The following INPP5A variants were observed in gnomAD, a reference collection of about 807,000 sequenced individuals.
INPP5A encodes the protein 43 kDa inositol polyphosphate 5-phophatase.
INPP5A carries 14 observed loss-of-function variants against 65.2 expected under a neutral mutation model. That is an observed-to-expected ratio of 0.21 (90% CI 0.14 to 0.34). The LOEUF is 0.34. INPP5A is among the 10% of genes least tolerant of loss of function. INPP5A has a pLI of 1.00. For missense variants in INPP5A, 431 were observed against 545.6 expected (o/e 0.79, Z 2.09); for synonymous variants, 207 against 208.3 (o/e 0.99, Z 0.05).
At position 132,554,763 on chromosome 10, in the gene INPP5A, G is replaced by A. The variant is rs371345382; in HGVS notation, c.75+16592G>A. ...TGGCATGATTGGTGTGGGTGGCGTC[G>A]TTGGCACTGATGTGGGTAGCGTGGT... is the stretch of plus-strand genomic sequence containing the variant. On this transcript the variant is annotated intron_variant, in intron 1 of 15. Coordinates refer to ENST00000368594, the MANE Select transcript of INPP5A (RefSeq NM_005539.5). Among the ~76,000 whole-genome samples, 63 of 149,168 alleles carry A rather than the reference G, an allele frequency of 4.2e-4. 1 individual carries two copies. The South Asian group carries it at 7.3e-3, about 17-fold the overall frequency.
chr10:132,749,063 C>T (rs750984292), intron 9 of INPP5A, among the ~76,000 whole-genome samples: 8 of 152,254 alleles, frequency 5.3e-5, no homozygotes, highest in Non-Finnish European at 8.8e-5. Context: ...CCTGTTGAGA[C>T]GGTTCCCGGT....
intron 11 of INPP5A, among the ~76,000 whole-genome samples, chr10:132,758,574 C>T (rs1307246286): frequency 6.7e-6 from 1 of 149,142 alleles, no homozygotes; most frequent in Admixed American, 6.7e-5. Flanking sequence ...AGTGCAATGT[C>T]GTTGGGTCCC....
At chr10:132,662,782 T>C (rs984795237) in intron 4 of INPP5A, among the ~76,000 whole-genome samples, 1 of 152,244 alleles carries the variant, frequency 6.6e-6, no homozygotes, top group Admixed American at 6.5e-5. Context: ...CCTTTCATGC[T>C]GTAGTTTAGC....
At chr10:132,691,401 C>A (rs1396781218) in intron 5 of INPP5A, among the ~76,000 whole-genome samples, 1 of 152,180 alleles carries the variant, frequency 6.6e-6, no homozygotes, top group Non-Finnish European at 1.5e-5. Flanking sequence ...TTTGGAGACA[C>A]GGCGTCTGCG....
intron 1 of INPP5A, among the ~76,000 whole-genome samples, chr10:132,568,061 C>T (rs1049601594): frequency 6.6e-6 from 1 of 151,744 alleles, no homozygotes; most frequent in East Asian, 1.9e-4. Flanking sequence ...TGTGGTGGTG[C>T]GTGCCTGTAG....
intron 11 of INPP5A, among the ~76,000 whole-genome samples, chr10:132,760,710 G>A (rs567478891): frequency 1.3e-4 from 20 of 152,318 alleles, no homozygotes; most frequent in African/African-American, 2.4e-4. Flanking sequence ...CATGACGCCC[G>A]GGCCCCTCTC....
At position 132,575,144 on chromosome 10, in the gene INPP5A, G is replaced by C. The variant is rs951101303; in HGVS notation, c.76-32771G>C. The stretch of plus-strand genomic sequence containing the variant: ...CAGCCTTCAGGCTCCCTGTCCAGCC[G>C]CTGGGACTCTGTTGAATGCTGCATT... On this transcript the variant is annotated intron_variant, in intron 1 of 15. Coordinates refer to ENST00000368594, the MANE Select transcript of INPP5A (RefSeq NM_005539.5). The surrounding 1 kb of genome is among the most constrained non-coding windows in gnomAD (Gnocchi z 5.4). Among the ~76,000 whole-genome samples the C allele has an allele frequency of 1.3e-5, 2 of 152,196 alleles. No homozygotes were observed. The highest frequency in any genetic ancestry group is 4.1e-4 in the South Asian group (2 of 4,828).
At position 132,706,762 on chromosome 10, in the gene INPP5A, G is replaced by A. The variant is rs553962082; in HGVS notation, c.475-1551G>A. Among the ~76,000 whole-genome samples, 4 of 152,332 alleles carry A rather than the reference G, an allele frequency of 2.6e-5. No individual in the cohort carries two copies. Among genetic ancestry groups the A allele is most frequent in the African/African-American group, 9.6e-5 (4 of 41,572 alleles). ...CCTTGCCCAGGAGGGAGCTGTGGGG[G>A]CCACTGTCCTGGAGGGAGACAGGGA... On this transcript the variant is annotated intron_variant, in intron 6 of 15. Coordinates refer to ENST00000368594, the MANE Select transcript of INPP5A (RefSeq NM_005539.5). The surrounding 1 kb of genome is among the most constrained non-coding windows in gnomAD (Gnocchi z 4.7).
intron 1 of INPP5A, among the ~76,000 whole-genome samples, chr10:132,580,597 GC>G (rs2071470514): frequency 6.6e-6 from 1 of 152,174 alleles, no homozygotes. Context: ...CACAGGAAGG[GC>G]CCTAGAGATC....
chr10:132,696,777 G>A (rs1845350758), intron 5 of INPP5A, among the ~76,000 whole-genome samples: 1 of 152,188 alleles, frequency 6.6e-6, no homozygotes, highest in Admixed American at 6.5e-5. Context: ...GCCTAGGGCT[G>A]GGCCGGGTCA....
intron 9 of INPP5A, among the ~76,000 whole-genome samples, chr10:132,737,793 T>C (rs932144160): frequency 3.3e-5 from 5 of 152,276 alleles, no homozygotes; most frequent in African/African-American, 1.2e-4. Flanking sequence ...AATTTATTTT[T>C]TAATTTTTCT....
At chr10:132,681,892 T>TG (rs2073051706) in intron 4 of INPP5A, among the ~76,000 whole-genome samples, 1 of 152,182 alleles carries the variant, frequency 6.6e-6, no homozygotes, top group Non-Finnish European at 1.5e-5. Context: ...CACTACAACA[T>TG]GGTGGAGGAA....
At chr10:132,539,655 A>G (rs1180221225) in intron 1 of INPP5A, among the ~76,000 whole-genome samples, 1 of 152,206 alleles carries the variant, frequency 6.6e-6, no homozygotes, top group East Asian at 1.9e-4. Context: ...CAAGTGGCCC[A>G]GATGGAGGCC....
At chr10:132,552,320 C>A (rs563971248) in intron 1 of INPP5A, among the ~76,000 whole-genome samples, 1 of 137,960 alleles carries the variant, frequency 7.2e-6, no homozygotes, top group Non-Finnish European at 1.5e-5. Context: ...GCCTTGGTGG[C>A]ATATTGAGTG....
At chr10:132,561,229 GT>G (rs34551991) in intron 1 of INPP5A, among the ~76,000 whole-genome samples, 116,947 of 151,506 alleles carry the variant, frequency 0.77, 46,050 homozygotes, top group African/African-American at 0.93. Context: ...CACCTGGCTA[GT>G]TTTTTTTAAG....
intron 2 of INPP5A, among the ~76,000 whole-genome samples, chr10:132,641,324 G>A (rs1441717055): frequency 6.6e-6 from 1 of 152,192 alleles, no homozygotes; most frequent in Non-Finnish European, 1.5e-5. Context: ...GGCTCATTAT[G>A]TACTCATGGA....
At chr10:132,541,217 A>G (rs950046691) in intron 1 of INPP5A, among the ~76,000 whole-genome samples, 1 of 152,128 alleles carries the variant, frequency 6.6e-6, no homozygotes, top group African/African-American at 2.4e-5. Flanking sequence ...GGCCCAAGCA[A>G]TCCACCTGCC....
At position 132,619,804 on chromosome 10, in the gene INPP5A, A is replaced by G. The variant is rs112681374; in HGVS notation, c.117+11848A>G. Among the ~76,000 whole-genome samples the G allele has an allele frequency of 8.1e-3, 1,238 of 152,264 alleles. 14 individuals are homozygous for G. Among genetic ancestry groups the G allele is most frequent in the African/African-American group, 0.029 (1,185 of 41,546 alleles). On this transcript the variant is annotated intron_variant, in intron 2 of 15. Transcript: ENST00000368594. ...CTCCTGAGTAGCTGGGATTACAGTC[A>G]TGTACCACCACACCTGGCTAATTTT...
At chr10:132,598,197 A>G (rs2071732376) in intron 1 of INPP5A, among the ~76,000 whole-genome samples, 1 of 152,122 alleles carries the variant, frequency 6.6e-6, no homozygotes, top group Admixed American at 6.5e-5. Context: ...CGGCTGCTTG[A>G]GTGGCGCTGT....
Sources: gnomAD v4.1 joint callset for allele counts (sites outside exome capture counted in the v4.1 genomes callset) on GRCh38, gnomAD v4.1.1 for gene constraint, Gnocchi (gnomAD v3.1) non-coding constraint, MANE v1.5 for transcripts, NCBI Gene and HGNC (gene_info 2026-07-23, HGNC 2026-07-21) for gene names.